TAOK3: variants seen among roughly 807,000 people sequenced by gnomAD.
The protein encoded by TAOK3 is serine/threonine-protein kinase TAO3.
Under a neutral mutation model 120.4 loss-of-function variants are expected in TAOK3, and 40 were observed. The observed-to-expected ratio is 0.33, with a 90% confidence interval of 0.26 to 0.43. The LOEUF (loss-of-function observed/expected upper bound fraction) is 0.43, where lower values mean the gene tolerates loss of function less well. Ranked by LOEUF, TAOK3 falls within the 20% of genes least tolerant of loss-of-function variation. TAOK3 has a pLI of 1.00. For synonymous variants in TAOK3, 355 were observed against 387.5 expected (o/e 0.92, Z 0.99); for missense variants, 821 against 1,112.1 (o/e 0.74, Z 3.72).
At chr12:118,192,674 A>G (rs553661930) in intron 13 of TAOK3, among the ~76,000 whole-genome samples, 9 of 152,386 alleles carry the variant, frequency 5.9e-5, no homozygotes, top group African/African-American at 2.2e-4. Flanking sequence ...TAAAGTATCA[A>G]CTTTACTGGA....
At chr12:118,267,204 G>A (rs1242662087) in intron 1 of TAOK3, among the ~76,000 whole-genome samples, 1 of 151,926 alleles carries the variant, frequency 6.6e-6, no homozygotes, top group East Asian at 1.9e-4. Context: ...ACATTTTCAG[G>A]GTGATGATTA....
chr12:118,212,274 C>T (rs773263879), intron 11 of TAOK3, among the ~76,000 whole-genome samples: 3 of 152,068 alleles, frequency 2.0e-5, no homozygotes, highest in East Asian at 1.9e-4. Context: ...GACTATTGTG[C>T]GCCAAATAAA....
chr12:118,328,116 C>T (rs976410664), intron 1 of TAOK3, among the ~76,000 whole-genome samples: 4 of 150,936 alleles, frequency 2.7e-5, no homozygotes, highest in African/African-American at 7.3e-5. Flanking sequence ...TGCAGTGGTG[C>T]GATTTTGGCT....
At chr12:118,343,664 TTAAA>T (rs2141147300) in intron 1 of TAOK3, among the ~76,000 whole-genome samples, 1 of 152,190 alleles carries the variant, frequency 6.6e-6, no homozygotes, top group South Asian at 2.1e-4. Context: ...AGTCAGCAAT[TTAAA>T]TATGAGAATT....
intron 1 of TAOK3, among the ~76,000 whole-genome samples, chr12:118,269,383 CTTTTTTTTTTT>C (rs1174725563): frequency 4.8e-5 from 5 of 103,888 alleles, no homozygotes; most frequent in Non-Finnish European, 9.3e-5. Context: ...TCTCTCTCTT[CTTTTTTTTTTT>C]TTTTTTTTTT....
chr12:118,354,927 A>G (rs897714143), intron 1 of TAOK3, among the ~76,000 whole-genome samples: 1 of 151,162 alleles, frequency 6.6e-6, no homozygotes, highest in African/African-American at 2.4e-5. Flanking sequence ...CTGTCTCTGC[A>G]ATTTTTTTTT....
intron 2 of TAOK3, among the ~76,000 whole-genome samples, chr12:118,264,141 T>C (rs1846177419): frequency 6.6e-6 from 1 of 152,238 alleles, no homozygotes; most frequent in Non-Finnish European, 1.5e-5. Flanking sequence ...GGTGGGAATG[T>C]AAAATGGTAA....
chr12:118,360,230 A>G (rs1430268894), intron 1 of TAOK3, among the ~76,000 whole-genome samples: 2 of 146,764 alleles, frequency 1.4e-5, no homozygotes, highest in Admixed American at 1.4e-4. Context: ...GTACCACTGC[A>G]CTCCAGCCTG....
intron 13 of TAOK3, among the ~76,000 whole-genome samples, chr12:118,191,915 TG>T (rs1448958749): frequency 2.0e-5 from 3 of 152,164 alleles, no homozygotes; most frequent in Non-Finnish European, 4.4e-5. Flanking sequence ...GTAGTTTTGG[TG>T]AATATTAATT....
At position 118,160,022 on chromosome 12, in the gene TAOK3, T is replaced by G. The variant is rs2035113599; in HGVS notation, c.2352+124A>C. ...TCAACGTCGTCCTTTCCTCAGTCCT[T>G]TGGGCAGAAAAACATCAATATCCTA... On this transcript the variant is annotated intron_variant, in intron 19 of 20. Coordinates refer to ENST00000392533, the MANE Select transcript of TAOK3 (RefSeq NM_016281.4). This position sits in a 1 kb window ranked among gnomAD's most constrained non-coding sequence, Gnocchi z 4.2. The G allele has an allele frequency of 2.4e-6, 2 of 833,904 alleles. No individual in the cohort carries two copies. The highest frequency in any genetic ancestry group is 2.4e-4 in the Middle Eastern group (1 of 4,100). 51.7% of individuals were successfully genotyped at this position (833,904 alleles called of 1,614,324 possible).
At chr12:118,174,748 T>G (rs924593287) in intron 16 of TAOK3, among the ~76,000 whole-genome samples, 5 of 151,522 alleles carry the variant, frequency 3.3e-5, no homozygotes, top group African/African-American at 1.2e-4. Context: ...CTGCAACCTC[T>G]GCCTCCTGTA....
chr12:118,352,012 T>G (rs1450270996), intron 1 of TAOK3, among the ~76,000 whole-genome samples: 2 of 151,570 alleles, frequency 1.3e-5, no homozygotes, highest in African/African-American at 4.8e-5. Context: ...TAGCTGGGAT[T>G]ACAGGCACCC....
intron 1 of TAOK3, among the ~76,000 whole-genome samples, chr12:118,272,848 G>A (rs977757816): frequency 4.6e-5 from 7 of 151,866 alleles, no homozygotes; most frequent in African/African-American, 1.7e-4. Context: ...ATGGTAGCAC[G>A]TGCCTGTAGT....
chr12:118,196,549 C>G (rs968017180), intron 13 of TAOK3, among the ~76,000 whole-genome samples: 1 of 152,134 alleles, frequency 6.6e-6, no homozygotes, highest in African/African-American at 2.4e-5. Context: ...AAAGATATAT[C>G]TGCTTGATTA....
At chr12:118,314,761 T>C (rs904750212) in intron 1 of TAOK3, among the ~76,000 whole-genome samples, 2 of 152,170 alleles carry the variant, frequency 1.3e-5, no homozygotes, top group African/African-American at 2.4e-5. Context: ...TTTTCCACCA[T>C]AACAATGCTT....
chr12:118,268,252 T>C (rs1326488282), intron 1 of TAOK3, among the ~76,000 whole-genome samples: 1 of 152,236 alleles, frequency 6.6e-6, no homozygotes, highest in African/African-American at 2.4e-5. Context: ...CTATTACTTA[T>C]CTACATTTTG....
At position 118,367,001 on chromosome 12, in the gene TAOK3, T is replaced by G. The variant is rs114565959; in HGVS notation, c.-194+5647A>C. 9.6e-3 allele frequency among the ~76,000 whole-genome samples: 1,457 copies of G among 152,238 alleles called. 28 individuals carry two copies. The highest frequency in any genetic ancestry group is 0.033 in the African/African-American group (1,366 of 41,520). On this transcript the variant is annotated intron_variant, in intron 1 of 20. Coordinates refer to ENST00000392533, the MANE Select transcript of TAOK3 (RefSeq NM_016281.4). ...GCTATGAGAGAGGTGGAGGTTGCAG[T>G]AAGCCGAGATGGCACCACTGAAGTC...
At chr12:118,206,698 G>A (rs981424323) in intron 11 of TAOK3, among the ~76,000 whole-genome samples, 4 of 151,992 alleles carry the variant, frequency 2.6e-5, no homozygotes, top group Non-Finnish European at 5.9e-5. Context: ...CCGGGTTCAA[G>A]CAATTCCCCT....
chr12:118,241,980 C>T lies in TAOK3; in HGVS notation c.294+1435G>A, dbSNP rs746471074. On this transcript the variant is annotated intron_variant, in intron 5 of 20. Transcript: ENST00000392533. ...ACAAAATTAGCCGGGTGTGGTACTC[C>T]GGTGGCTGAGACAGGAGAATCACTT... 1.5e-4 allele frequency among the ~76,000 whole-genome samples: 23 copies of T among 151,364 alleles called. 1 individual carries two copies. Among genetic ancestry groups the T allele is most frequent in the East Asian group, 1.9e-4 (1 of 5,156 alleles).
Sources: gnomAD v4.1 joint callset for allele counts (sites outside exome capture counted in the v4.1 genomes callset) on GRCh38, gnomAD v4.1.1 for gene constraint, Gnocchi (gnomAD v3.1) non-coding constraint, MANE v1.5 for transcripts, NCBI Gene and HGNC (gene_info 2026-07-23, HGNC 2026-07-21) for gene names.